The following TRIM44 variants were observed in gnomAD, a reference collection of about 807,000 sequenced individuals.
TRIM44 encodes the protein tripartite motif containing 44.
In TRIM44, 13 loss-of-function variants were observed where a neutral mutation model predicts 37.4. The observed-to-expected ratio is 0.35, with a 90% CI of 0.23 to 0.55. TRIM44 has a LOEUF of 0.55. TRIM44 is among the 20% of genes least tolerant of loss of function. The pLI is 0.89. For missense variants in TRIM44, 426 were observed against 437.2 expected, an observed-to-expected ratio of 0.97 and a Z score of 0.23; for synonymous variants, 175 against 157.2, an observed-to-expected ratio of 1.11 and a Z score of -0.85.
At chr11:35,675,381 G>A (rs1432184420) in intron 1 of TRIM44, among the ~76,000 whole-genome samples, 1 of 152,082 alleles carries the variant, frequency 6.6e-6, no homozygotes, top group Non-Finnish European at 1.5e-5. Flanking sequence ...ATAACTTTGG[G>A]TGTAGGCAGT....
intron 4 of TRIM44, among the ~76,000 whole-genome samples, chr11:35,736,312 A>G (rs1590554467): frequency 1.3e-5 from 2 of 152,160 alleles, no homozygotes; most frequent in East Asian, 3.8e-4. Context: ...TCTCTGGTCA[A>G]AGTTGGGGCA....
At chr11:35,799,165 GCCTGGGCAGGCCTGCTGGCT>G (rs1853332799) in intron 4 of TRIM44, among the ~76,000 whole-genome samples, 1 of 152,254 alleles carries the variant, frequency 6.6e-6, no homozygotes, top group South Asian at 2.1e-4. Flanking sequence ...GCAGGGCACT[GCCTGGGCAGGCCTGCTGGCT>G]CCTTTTAATC....
rs186858847 is a variant in TRIM44, at chr11:35,759,936, G to A, written c.1007+24491G>A. Among the ~76,000 whole-genome samples the A allele has an allele frequency of 2.2e-3, 334 of 152,294 alleles. 1 individual carries two copies. The highest frequency in any genetic ancestry group is 7.1e-3 in the African/African-American group (296 of 41,568). Reference sequence around the variant, plus strand: ...GGGCTGTCTCCCAGTTAGGCTACTCGGGGTTCAGGGACCCACTTGAGGCAG... The same window carrying A: ...GGGCTGTCTCCCAGTTAGGCTACTCAGGGTTCAGGGACCCACTTGAGGCAG... On this transcript the variant is annotated intron_variant, in intron 4 of 4. Coordinates refer to ENST00000299413, the MANE Select transcript of TRIM44 (RefSeq NM_017583.6).
intron 4 of TRIM44, among the ~76,000 whole-genome samples, chr11:35,766,369 C>T (rs969207462): frequency 1.3e-5 from 2 of 152,134 alleles, no homozygotes; most frequent in East Asian, 3.9e-4. Context: ...TAGGGCTTCT[C>T]CTCCCCAAGG....
chr11:35,740,059 A>C (rs1852373170), intron 4 of TRIM44, among the ~76,000 whole-genome samples: 1 of 140,212 alleles, frequency 7.1e-6, no homozygotes, highest in African/African-American at 2.7e-5. Flanking sequence ...AGATCGTGCC[A>C]CTGCAGTCCA....
intron 4 of TRIM44, among the ~76,000 whole-genome samples, chr11:35,759,120 G>A (rs1167753238): frequency 2.6e-5 from 4 of 152,112 alleles, no homozygotes; most frequent in African/African-American, 2.4e-5. Flanking sequence ...CATTCTCCCC[G>A]TCACTTTCAG....
chr11:35,703,694 T>A (rs991761319), intron 2 of TRIM44, among the ~76,000 whole-genome samples: 24 of 152,176 alleles, frequency 1.6e-4, no homozygotes, highest in African/African-American at 5.8e-4. Flanking sequence ...GACCTGCAGC[T>A]GAGGGTCCTG....
At chr11:35,734,698 A>G (rs1490835728) in intron 3 of TRIM44, among the ~76,000 whole-genome samples, 1 of 152,238 alleles carries the variant, frequency 6.6e-6, no homozygotes, top group Non-Finnish European at 1.5e-5. Context: ...TGCTGTGATC[A>G]CTTCTGATAA....
chr11:35,676,495 T>C (rs967405565), intron 1 of TRIM44, among the ~76,000 whole-genome samples: 2 of 152,234 alleles, frequency 1.3e-5, no homozygotes, highest in African/African-American at 4.8e-5. Context: ...TGGTGCCTTA[T>C]GCACTAGCTA....
At chr11:35,739,073 A>G (rs1852359993) in intron 4 of TRIM44, among the ~76,000 whole-genome samples, 1 of 152,110 alleles carries the variant, frequency 6.6e-6, no homozygotes, top group Admixed American at 6.5e-5. Flanking sequence ...GTTGTTTGAT[A>G]TTAGGGGACC....
At chr11:35,805,634 C>T (rs117008742) in intron 4 of TRIM44, among the ~76,000 whole-genome samples, 1,641 of 152,292 alleles carry the variant, frequency 0.011, 14 homozygotes, top group Non-Finnish European at 0.017. Context: ...CTTTTAAAAA[C>T]CAATTATTTA....
At chr11:35,800,394 C>T (rs767919824) in intron 4 of TRIM44, among the ~76,000 whole-genome samples, 6 of 152,170 alleles carry the variant, frequency 3.9e-5, no homozygotes, top group Non-Finnish European at 8.8e-5. Context: ...TATTTGGCCC[C>T]ACCCACATCC....
rs1226723146 is a variant in TRIM44, at chr11:35,753,219, T to C, written c.1007+17774T>C. ...TGATACAATTGGGGGGGGAGTTAAA[T>C]GAGCAAATGTATATGAGTCTTTTGA... is the stretch of plus-strand genomic sequence containing the variant. On this transcript the variant is annotated intron_variant, in intron 4 of 4. Transcript: ENST00000299413. 2.0e-5 allele frequency among the ~76,000 whole-genome samples: 3 copies of C among 152,292 alleles called. No homozygotes were observed. In the East Asian group the frequency reaches 5.8e-4, roughly 29 times the overall value.
At chr11:35,741,768 C>T (rs1407312718) in intron 4 of TRIM44, among the ~76,000 whole-genome samples, 2 of 152,166 alleles carry the variant, frequency 1.3e-5, no homozygotes, top group Non-Finnish European at 2.9e-5. Flanking sequence ...ACAAAGATTG[C>T]AGAGGAATTC....
intron 2 of TRIM44, among the ~76,000 whole-genome samples, chr11:35,713,516 T>A (rs1353448270): frequency 6.6e-6 from 1 of 151,870 alleles, no homozygotes; most frequent in Non-Finnish European, 1.5e-5. Flanking sequence ...TTTTTTTTTT[T>A]TGGTGAAAGA....
At chr11:35,692,721 G>A (rs1851651246) in intron 2 of TRIM44, among the ~76,000 whole-genome samples, 2 of 152,156 alleles carry the variant, frequency 1.3e-5, no homozygotes, top group South Asian at 2.1e-4. Context: ...TCAGGAGATC[G>A]GGACCATCCT....
intron 2 of TRIM44, among the ~76,000 whole-genome samples, chr11:35,705,153 A>C (rs527947227): frequency 3.1e-4 from 47 of 150,016 alleles, no homozygotes; most frequent in African/African-American, 1.1e-3. Flanking sequence ...CAAAGATCAA[A>C]AGAGACAAAG....
chr11:35,705,503 T>G (rs918821696), intron 2 of TRIM44, among the ~76,000 whole-genome samples: 6 of 152,134 alleles, frequency 3.9e-5, no homozygotes, highest in African/African-American at 1.4e-4. Context: ...ATTGACCACA[T>G]AGTGGGAAGT....
At chr11:35,700,607 G>A (rs1308473298) in intron 2 of TRIM44, among the ~76,000 whole-genome samples, 1 of 151,988 alleles carries the variant, frequency 6.6e-6, no homozygotes, top group Non-Finnish European at 1.5e-5. Context: ...TGTCATGTGT[G>A]GATTTTCCAA....
Sources: allele counts gnomAD v4.1 joint callset (sites outside exome capture counted in the v4.1 genomes callset), GRCh38; gene constraint gnomAD v4.1.1; transcripts MANE v1.5; gene names NCBI Gene and HGNC (gene_info 2026-07-23, HGNC 2026-07-21).